Variants in DCC observed in about 807,000 individuals in gnomAD.
DCC encodes DCC netrin 1 receptor.
A neutral mutation model predicts 172.5 loss-of-function variants in DCC; 58 were observed. The observed-to-expected ratio is 0.34, with a 90% CI of 0.27 to 0.42. The LOEUF (loss-of-function observed/expected upper bound fraction) is 0.42. DCC is among the 10% of genes least tolerant of loss of function. DCC has a pLI of 1.00. For missense variants in DCC, 1,740 were observed against 1,791.0 expected (o/e 0.97, Z 0.51); for synonymous variants, 709 against 644.5 (o/e 1.10, Z -1.52).
intron 5 of DCC, among the ~76,000 whole-genome samples, chr18:52,992,833 G>A (rs780817048): frequency 6.6e-6 from 1 of 151,946 alleles, no homozygotes; most frequent in Admixed American, 6.6e-5. Context: ...AAATTAGCTG[G>A]GTGTGGTGGT....
At chr18:52,878,686 C>A (rs1396491213) in intron 2 of DCC, among the ~76,000 whole-genome samples, 1 of 152,122 alleles carries the variant, frequency 6.6e-6, no homozygotes, top group African/African-American at 2.4e-5. Context: ...ATCTGATTCT[C>A]CCTGAGAGTA....
At chr18:53,012,829 T>A (rs973807527) in intron 5 of DCC, among the ~76,000 whole-genome samples, 1 of 152,036 alleles carries the variant, frequency 6.6e-6, no homozygotes, top group African/African-American at 2.4e-5. Flanking sequence ...AATCTCTCCA[T>A]CTGACAAAGG....
At chr18:52,952,123 A>G (rs979431968) in intron 5 of DCC, among the ~76,000 whole-genome samples, 1 of 151,962 alleles carries the variant, frequency 6.6e-6, no homozygotes, top group Non-Finnish European at 1.5e-5. Context: ...CTGTTCATAA[A>G]ATGTGATCTT....
chr18:53,057,760 A>C (rs1568275771), intron 5 of DCC, among the ~76,000 whole-genome samples: 1 of 152,272 alleles, frequency 6.6e-6, no homozygotes, highest in Admixed American at 6.5e-5. Context: ...ATTGCTGCCA[A>C]CCAAAAAGCC....
intron 2 of DCC, among the ~76,000 whole-genome samples, chr18:52,849,309 C>T (rs575376703): frequency 1.9e-3 from 286 of 152,156 alleles, no homozygotes; most frequent in Non-Finnish European, 3.4e-3. Context: ...GTGTTGTTTC[C>T]CCTTGAAAAT....
intron 1 of DCC, among the ~76,000 whole-genome samples, chr18:52,567,811 A>G (rs958166494): frequency 1.3e-5 from 2 of 152,090 alleles, no homozygotes; most frequent in Admixed American, 6.6e-5. Context: ...AATAAGCAGT[A>G]TTGAGCTTAA....
At position 53,066,038 on chromosome 18, in the gene DCC, T is replaced by C. The variant is rs2042560887; in HGVS notation, c.1141-8T>C. The C allele has an allele frequency of 6.2e-7, 1 of 1,612,764 alleles. No individual in the cohort carries two copies. Among genetic ancestry groups the C allele is most frequent in the Non-Finnish European group, 8.5e-7 (1 of 1,179,140 alleles). On this transcript the variant is annotated splice_region_variant and splice_polypyrimidine_tract_variant and intron_variant, in intron 6 of 28. Coordinates refer to ENST00000442544, the MANE Select transcript of DCC (RefSeq NM_005215.4). ...TAAAATACTTTACCTGCTTTTTCTT[T>C]TCCCTAGGGAGGAAGCAACTTACGG...
intron 1 of DCC, among the ~76,000 whole-genome samples, chr18:52,648,059 G>T (rs891848952): frequency 6.6e-6 from 1 of 152,216 alleles, no homozygotes; most frequent in Non-Finnish European, 1.5e-5. Flanking sequence ...TGTTCAAAGG[G>T]AAGAGAAAAG....
intron 13 of DCC, among the ~76,000 whole-genome samples, chr18:53,316,469 G>T (rs2057345146): frequency 6.7e-6 from 1 of 148,720 alleles, no homozygotes; most frequent in African/African-American, 2.5e-5. Flanking sequence ...ATTTAAAGAA[G>T]TTTTTTTTTT....
intron 1 of DCC, among the ~76,000 whole-genome samples, chr18:52,656,294 C>A (rs902818390): frequency 2.6e-5 from 4 of 151,802 alleles, no homozygotes; most frequent in Non-Finnish European, 5.9e-5. Context: ...GCCCTTATAG[C>A]AGAGACCTCA....
chr18:52,408,313 A>ATT (rs5824934), intron 1 of DCC, among the ~76,000 whole-genome samples: 1 of 151,692 alleles, frequency 6.6e-6, no homozygotes, highest in Non-Finnish European at 1.5e-5. Context: ...AGACATTTTA[A>ATT]TTTTTTTAAG....
chr18:52,692,422 T>C (rs1371379522), intron 1 of DCC, among the ~76,000 whole-genome samples: 2 of 152,096 alleles, frequency 1.3e-5, no homozygotes, highest in African/African-American at 2.4e-5. Context: ...CTGAACTGAT[T>C]TGTAGTCTCT....
intron 19 of DCC, among the ~76,000 whole-genome samples, chr18:53,407,887 A>T (rs11877032): frequency 0.31 from 47,431 of 151,988 alleles, 9,083 homozygotes; most frequent in Non-Finnish European, 0.45. Flanking sequence ...CATGAGACAG[A>T]AAACAACTCC....
chr18:52,826,898 A>G (rs1359261888), intron 2 of DCC, among the ~76,000 whole-genome samples: 1 of 152,238 alleles, frequency 6.6e-6, no homozygotes, highest in Non-Finnish European at 1.5e-5. Context: ...TGAACATGTA[A>G]ATACTTTTTT....
At chr18:53,231,044 T>A (rs2056114486) in intron 12 of DCC, among the ~76,000 whole-genome samples, 2 of 152,160 alleles carry the variant, frequency 1.3e-5, no homozygotes, top group Middle Eastern at 3.4e-3. Flanking sequence ...TAGAATTGAT[T>A]TTTTCCTCCA....
intron 5 of DCC, among the ~76,000 whole-genome samples, chr18:53,038,305 A>T (rs1220110953): frequency 2.0e-5 from 3 of 151,976 alleles, no homozygotes. Flanking sequence ...ATTGTGTTAG[A>T]TTGGGCTGCT....
intron 25 of DCC, among the ~76,000 whole-genome samples, chr18:53,483,059 A>C (rs1265566979): frequency 6.6e-6 from 1 of 151,942 alleles, no homozygotes; most frequent in Admixed American, 6.6e-5. Flanking sequence ...TCACTTGAAA[A>C]ATATGAAGTA....
chr18:52,525,010 TTCTTA>T (rs1012345564), intron 1 of DCC, among the ~76,000 whole-genome samples: 1 of 152,200 alleles, frequency 6.6e-6, no homozygotes, highest in African/African-American at 2.4e-5. Context: ...GAGATTTTGC[TTCTTA>T]TCTTTAAAAT....
At chr18:52,409,187 C>T (rs1044142316) in intron 1 of DCC, 2 of 152,118 alleles carry the variant, frequency 1.3e-5, no homozygotes, top group Non-Finnish European at 2.9e-5. Context: ...ATTTACATTG[C>T]ACCTGCCTCA....
Sources: gnomAD v4.1 joint callset for allele counts (sites outside exome capture counted in the v4.1 genomes callset) on GRCh38, gnomAD v4.1.1 for gene constraint, MANE v1.5 for transcripts, NCBI Gene and HGNC (gene_info 2026-07-23, HGNC 2026-07-21) for gene names.